MROH1: variants seen among roughly 807,000 people sequenced by gnomAD.
MROH1 encodes maestro heat like repeat family member 1.
A neutral mutation model predicts 116.5 loss-of-function variants in MROH1; 117 were observed. That is an observed-to-expected ratio of 1.00 (90% confidence interval 0.86 to 1.17). The LOEUF is 1.17. Among genes scored for constraint, MROH1 ranks in the 50% most tolerant of loss-of-function variants. The probability of loss-of-function intolerance (pLI) is 0.00; values close to 1 mark genes in which losing one functional copy is unlikely to be tolerated. For missense variants in MROH1, 1,873 were observed against 1,338.5 expected (o/e 1.40, Z -6.23); for synonymous variants, 921 against 583.9 (o/e 1.58, Z -8.32).
intron 35 of MROH1, among the ~76,000 whole-genome samples, chr8:144,258,421 C>T (rs1364344180): frequency 2.6e-5 from 4 of 152,302 alleles, no homozygotes; most frequent in East Asian, 1.9e-4. Flanking sequence ...GGAACAGGCC[C>T]GGGGTGGGGG....
At chr8:144,233,004 T>A (rs1336474541) in intron 14 of MROH1, among the ~76,000 whole-genome samples, 1 of 151,714 alleles carries the variant, frequency 6.6e-6, no homozygotes, top group African/African-American at 2.4e-5. Context: ...TATTAAGTTC[T>A]GTTTTTGTAG....
intron 13 of MROH1, among the ~76,000 whole-genome samples, chr8:144,220,982 G>A (rs1248903578): frequency 3.9e-5 from 6 of 152,176 alleles, no homozygotes; most frequent in Non-Finnish European, 5.9e-5. Context: ...CTCTGCTCGC[G>A]GTGATTGCAG....
At chr8:144,234,050 C>T (rs941074380) in intron 14 of MROH1, among the ~76,000 whole-genome samples, 5 of 152,182 alleles carry the variant, frequency 3.3e-5, no homozygotes, top group African/African-American at 1.2e-4. Flanking sequence ...TGCTCTGTCG[C>T]CCAGGCTGGA....
rs117955106 is a variant in MROH1, at chr8:144,163,494, C to T, written c.-56-277C>T. The stretch of plus-strand genomic sequence containing the variant: ...CCACTCCTGCTGGGGCTGATGGTGA[C>T]GAGGTGACACTGTGGGCCAGCTGTG... On this transcript the variant is annotated intron_variant, in intron 2 of 43. Transcript: ENST00000326134. This position sits in a 1 kb window ranked among gnomAD's most constrained non-coding sequence, Gnocchi z 4.4. Among the ~76,000 whole-genome samples the T allele has an allele frequency of 1.1e-3, 174 of 152,114 alleles. 1 individual carries two copies. The East Asian group carries it at 0.023, about 20-fold the overall frequency.
At chr8:144,152,656 C>T (rs1453006683) in intron 1 of MROH1, among the ~76,000 whole-genome samples, 1 of 152,180 alleles carries the variant, frequency 6.6e-6, no homozygotes, top group South Asian at 2.1e-4. Flanking sequence ...ATGCCATTCT[C>T]CTGCCTCAGC....
In MROH1 at chr8:144,167,446, G is replaced by A. The variant is rs562252159; in HGVS notation, c.23-849G>A. On this transcript the variant is annotated intron_variant, in intron 3 of 43. Coordinates refer to ENST00000326134, the MANE Select transcript of MROH1 (RefSeq NM_032450.3). ...TGGCCGGTTGTTGGGTGGAGTGGCC[G>A]GTTGTTGTGGTGGAGTGGCCAGTTG... Among the ~76,000 whole-genome samples the A allele has an allele frequency of 1.2e-4, 15 of 127,588 alleles. 2 individuals are homozygous for A. Among genetic ancestry groups the A allele is most frequent in the African/African-American group, 3.8e-4 (10 of 26,462 alleles). 83.7% of individuals were successfully genotyped at this position (127,588 alleles called of 152,430 possible).
chr8:144,169,087 G>A (rs1288013043), intron 4 of MROH1, among the ~76,000 whole-genome samples: 1 of 152,250 alleles, frequency 6.6e-6, no homozygotes, highest in East Asian at 1.9e-4. Flanking sequence ...TCTTGGTTCA[G>A]TGGTTCTCTG....
chr8:144,229,695 T>C (rs1030192606), intron 14 of MROH1, among the ~76,000 whole-genome samples: 3 of 152,120 alleles, frequency 2.0e-5, no homozygotes, highest in Admixed American at 6.6e-5. Flanking sequence ...AATAAAATGC[T>C]CTTAAAATGT....
rs1826273425 is a variant in MROH1 at position 144,183,781 on chromosome 8, G to C, written c.562+3258G>C. 1.3e-5 allele frequency among the ~76,000 whole-genome samples: 2 copies of C among 151,990 alleles called. 1 individual carries two copies. The highest frequency in any genetic ancestry group is 2.9e-5 in the Non-Finnish European group (2 of 68,014). The stretch of plus-strand genomic sequence containing the variant: ...CCTGCCTCAGCCTCTCCGAGTAGCT[G>C]GGACTACAGGCGCCCACCACCACGC... On this transcript the variant is annotated intron_variant, in intron 7 of 43. Coordinates refer to ENST00000326134, the MANE Select transcript of MROH1 (RefSeq NM_032450.3).
chr8:144,183,758 T>C (rs1361220242), intron 7 of MROH1, among the ~76,000 whole-genome samples: 1 of 152,078 alleles, frequency 6.6e-6, no homozygotes, highest in African/African-American at 2.4e-5. Context: ...GCCATTCGCC[T>C]GCCTCAGCCT....
intron 12 of MROH1, chr8:144,213,270 CG>C: frequency 1.6e-6 from 1 of 613,756 alleles, no homozygotes; most frequent in South Asian, 2.1e-5. Flanking sequence ...CTGTAGGTTC[CG>C]TGGGAAGAGC....
At chr8:144,161,774 G>A (rs879437574) in intron 2 of MROH1, among the ~76,000 whole-genome samples, 11 of 152,236 alleles carry the variant, frequency 7.2e-5, no homozygotes, top group South Asian at 2.1e-4. Flanking sequence ...CTGCACGGTC[G>A]TGGACTGGCG....
chr8:144,255,218 A>C (rs1843503065), intron 34 of MROH1, among the ~76,000 whole-genome samples: 1 of 152,256 alleles, frequency 6.6e-6, no homozygotes, highest in South Asian at 2.1e-4. Flanking sequence ...CAGTGTTTTA[A>C]GCAGTAAAGC....
chr8:144,209,412 CTACAAAAAA>C (rs993301826), intron 12 of MROH1, among the ~76,000 whole-genome samples: 2 of 151,466 alleles, frequency 1.3e-5, no homozygotes, highest in African/African-American at 4.9e-5. Context: ...AACCCCGTCT[CTACAAAAAA>C]TACAAAAAAT....
At position 144,159,192 on chromosome 8, in the gene MROH1, T is replaced by A. The variant is rs574771568; in HGVS notation, c.-176-1778T>A. Among the ~76,000 whole-genome samples the A allele has an allele frequency of 4.6e-5, 7 of 152,312 alleles. No homozygotes were observed. In the East Asian group the frequency reaches 1.2e-3, roughly 25 times the overall value. Reference sequence around the variant, plus strand: ...GGCCAATGTGGTGAAACCCCATCTCTACTAAAAATACAAAAATTAGCCAGG... The same window carrying A: ...GGCCAATGTGGTGAAACCCCATCTCAACTAAAAATACAAAAATTAGCCAGG... On this transcript the variant is annotated intron_variant, in intron 1 of 43. Transcript: ENST00000326134.
chr8:144,239,400 A>G, intron 17 of MROH1, 37 bp downstream of exon 17: 1 of 777,878 alleles, frequency 1.3e-6, no homozygotes, highest in Non-Finnish European at 2.4e-6. Context: ...CCAGCGCCCC[A>G]CTCTGTGTCC....
At chr8:144,211,137 A>T (rs1050017497) in intron 12 of MROH1, among the ~76,000 whole-genome samples, 1 of 152,198 alleles carries the variant, frequency 6.6e-6, no homozygotes, top group Non-Finnish European at 1.5e-5. Context: ...GCAAGTCAAC[A>T]TGTTTCTCTG....
At chr8:144,248,739 G>A in intron 31 of MROH1, 138 bp from the exon 32 acceptor site, 3 of 688,650 alleles carry the variant, frequency 4.4e-6, no homozygotes, top group Non-Finnish European at 8.0e-6. Context: ...GAAGGCGCAG[G>A]GCCCAGCGGC....
At chr8:144,185,250 G>A (rs1473737087) in intron 7 of MROH1, among the ~76,000 whole-genome samples, 1 of 152,104 alleles carries the variant, frequency 6.6e-6, no homozygotes, top group East Asian at 1.9e-4. Flanking sequence ...AGTGGGAGCT[G>A]AGCCCTCCCA....
Sources: gnomAD v4.1 joint callset for allele counts (sites outside exome capture counted in the v4.1 genomes callset) on GRCh38, gnomAD v4.1.1 for gene constraint, Gnocchi (gnomAD v3.1) non-coding constraint, MANE v1.5 for transcripts, NCBI Gene and HGNC (gene_info 2026-07-23, HGNC 2026-07-21) for gene names.